OSBPL10: variants seen among roughly 807,000 people sequenced by gnomAD.
The protein encoded by OSBPL10 is oxysterol-binding protein-related protein 10.
Under a neutral mutation model 81.7 loss-of-function variants are expected in OSBPL10, and 49 were observed. The ratio of observed to expected loss-of-function variants is 0.60; its 90% confidence interval spans 0.48 to 0.76. The LOEUF (loss-of-function observed/expected upper bound fraction) is 0.76. Among genes scored for constraint, OSBPL10 ranks in the 30% least tolerant of loss-of-function variants. The pLI is 0.00. For missense variants in OSBPL10, 923 were observed against 987.8 expected (o/e 0.93, Z 0.88); for synonymous variants, 419 against 383.6 (o/e 1.09, Z -1.08).
At chr3:31,936,276 C>T (rs930678250) in intron 1 of OSBPL10, among the ~76,000 whole-genome samples, 2 of 152,118 alleles carry the variant, frequency 1.3e-5, no homozygotes, top group Non-Finnish European at 2.9e-5. Context: ...AAAATACTAC[C>T]AAAACAACCT....
In OSBPL10 at chr3:31,951,363, CATT is replaced by C. The variant is rs139767030; in HGVS notation, c.281+29533_281+29535del. 0.014 allele frequency among the ~76,000 whole-genome samples: 2,194 copies of C among 151,804 alleles called. 162 individuals are homozygous for C. In the East Asian group the frequency reaches 0.22, roughly 15 times the overall value. The stretch of plus-strand genomic sequence containing the variant: ...CTAAATAATACAGAGAGATAACACA[CATT>C]ATTTTTGTAAAATATCTATTATAAA... On this transcript the variant is annotated intron_variant, in intron 1 of 11. Transcript: ENST00000396556.
At chr3:31,937,053 G>A (rs1202778289) in intron 1 of OSBPL10, among the ~76,000 whole-genome samples, 7 of 152,198 alleles carry the variant, frequency 4.6e-5, no homozygotes, top group Non-Finnish European at 1.0e-4. Context: ...GGGAGGTTGA[G>A]GCAGGCAGAT....
chr3:31,991,539 T>G (rs1340965988), intron 2 of OSBPL10: 1 of 166,894 alleles, frequency 6.0e-6, no homozygotes, highest in Non-Finnish European at 1.5e-5. Context: ...TTAATTTTCT[T>G]TTAACATTGT....
At chr3:31,895,389 A>G (rs1051179230) in intron 1 of OSBPL10, among the ~76,000 whole-genome samples, 2 of 151,630 alleles carry the variant, frequency 1.3e-5, no homozygotes, top group Admixed American at 1.3e-4. Context: ...TGCCCGCCTC[A>G]GCCTCCCAAA....
chr3:31,804,116 G>A, intron 4 of OSBPL10, among the ~76,000 whole-genome samples: 1 of 152,078 alleles, frequency 6.6e-6, no homozygotes, highest in South Asian at 2.1e-4. Flanking sequence ...TTTGCTCAAT[G>A]GTGATCTTTC....
chr3:31,707,995 C>T (rs1386394429), intron 6 of OSBPL10, among the ~76,000 whole-genome samples: 1 of 152,072 alleles, frequency 6.6e-6, no homozygotes, highest in Non-Finnish European at 1.5e-5. Flanking sequence ...AATCAAGAAA[C>T]ACAGTGATTT....
intron 1 of OSBPL10, among the ~76,000 whole-genome samples, chr3:32,054,525 G>GTTTT (rs1699692256): frequency 4.0e-5 from 2 of 50,280 alleles, no homozygotes; most frequent in African/African-American, 9.7e-5. Flanking sequence ...GTCAATGGTG[G>GTTTT]CTTTTTTTTT....
intron 1 of OSBPL10, among the ~76,000 whole-genome samples, chr3:31,884,363 T>C (rs1695673608): frequency 6.6e-6 from 1 of 152,216 alleles, no homozygotes; most frequent in Admixed American, 6.5e-5. Flanking sequence ...CTAAAGACAG[T>C]TAAAATTTTT....
intron 1 of OSBPL10, among the ~76,000 whole-genome samples, chr3:31,883,775 C>T (rs1447459369): frequency 2.0e-5 from 3 of 152,172 alleles, no homozygotes; most frequent in Admixed American, 1.3e-4. Context: ...CCACCCGCCT[C>T]GGCCTCCCCA....
chr3:32,008,176 C>CTTTT (rs1559548470), intron 2 of OSBPL10, among the ~76,000 whole-genome samples: 4 of 127,176 alleles, frequency 3.1e-5, no homozygotes, highest in African/African-American at 1.5e-4. Context: ...ATGTTTTTAT[C>CTTTT]ATTTTTTTTT....
intron 2 of OSBPL10, among the ~76,000 whole-genome samples, chr3:32,012,992 A>T (rs893107281): frequency 6.6e-6 from 1 of 152,194 alleles, no homozygotes. Context: ...CACAATAATA[A>T]TGGGAGACTT....
intron 1 of OSBPL10, among the ~76,000 whole-genome samples, chr3:31,970,683 G>C (rs1223022558): frequency 1.3e-5 from 2 of 152,240 alleles, no homozygotes; most frequent in Non-Finnish European, 1.5e-5. Context: ...GATAATATAC[G>C]TAAAGTGTCT....
At chr3:32,028,197 T>C (rs975457013) in intron 2 of OSBPL10, among the ~76,000 whole-genome samples, 15 of 152,348 alleles carry the variant, frequency 9.8e-5, no homozygotes, top group African/African-American at 3.1e-4. Flanking sequence ...ATGTATGTGT[T>C]ACAGACATAA....
At chr3:31,867,458 C>A (rs543549951) in intron 3 of OSBPL10, among the ~76,000 whole-genome samples, 7 of 152,138 alleles carry the variant, frequency 4.6e-5, no homozygotes, top group Non-Finnish European at 1.0e-4. Context: ...GAACAGGACA[C>A]AGGCGGGACA....
At chr3:32,002,385 A>G (rs1489970211) in intron 2 of OSBPL10, among the ~76,000 whole-genome samples, 1 of 152,230 alleles carries the variant, frequency 6.6e-6, no homozygotes, top group African/African-American at 2.4e-5. Flanking sequence ...GAATTACAGT[A>G]TGGGGCAAGG....
intron 4 of OSBPL10, among the ~76,000 whole-genome samples, chr3:31,779,083 CA>C (rs573992839): frequency 0.018 from 2,719 of 152,224 alleles, 48 homozygotes; most frequent in Non-Finnish European, 0.023. Context: ...CCTCTTAAAA[CA>C]AAACCTCAAA....
chr3:31,873,145 G>A (rs1701374363), intron 3 of OSBPL10, among the ~76,000 whole-genome samples: 1 of 152,024 alleles, frequency 6.6e-6, no homozygotes, highest in East Asian at 1.9e-4. Context: ...CTATATATTT[G>A]TCAAAACTCA....
chr3:31,851,161 C>T (rs992769206), intron 3 of OSBPL10, among the ~76,000 whole-genome samples: 5 of 152,166 alleles, frequency 3.3e-5, no homozygotes, highest in African/African-American at 4.8e-5. Context: ...AAATCAGATT[C>T]TAAAAAAACA....
At chr3:31,664,457 C>G in intron 10 of OSBPL10, 1 of 587,336 alleles carries the variant, frequency 1.7e-6, no homozygotes, top group Non-Finnish European at 3.0e-6. Flanking sequence ...AGGCAGCATG[C>G]CTTTCTCAGG....
Sources: allele counts gnomAD v4.1 joint callset (sites outside exome capture counted in the v4.1 genomes callset), GRCh38; gene constraint gnomAD v4.1.1; transcripts MANE v1.5; gene names NCBI Gene and HGNC (gene_info 2026-07-23, HGNC 2026-07-21).